Variants in WIPI1 observed in about 807,000 individuals in gnomAD.
WIPI1 encodes WD repeat domain phosphoinositide-interacting protein 1.
A neutral mutation model predicts 55.3 loss-of-function variants in WIPI1; 45 were observed. That is an observed-to-expected ratio of 0.81 (90% CI 0.64 to 1.04). The LOEUF (loss-of-function observed/expected upper bound fraction) is 1.04. Among genes scored for constraint, WIPI1 ranks in the 50% least tolerant of loss-of-function variants. The probability of loss-of-function intolerance (pLI) is 0.00; values close to 1 mark genes in which losing one functional copy is unlikely to be tolerated. For synonymous variants in WIPI1, 195 were observed against 217.6 expected (o/e 0.90, Z 0.92); for missense variants, 445 against 559.0 (o/e 0.80, Z 2.06).
Position 68,436,307 on chromosome 17 carries a change from G to A in WIPI1, c.528+75C>T, listed in dbSNP as rs948894795. The A allele has an allele frequency of 3.0e-5, 41 of 1,384,202 alleles. No homozygotes were observed. In the East Asian group the frequency reaches 5.7e-4, roughly 19 times the overall value. The allele number at this position is 1,384,202 out of a possible 1,614,324, so 85.7% of individuals were successfully genotyped here. On this transcript the variant is annotated intron_variant, in intron 5 of 12. Coordinates refer to ENST00000262139, the MANE Select transcript of WIPI1 (RefSeq NM_017983.7). Reference sequence around the variant, plus strand: ...CGCCTCCAGCCCCCGACGGCAGGGCGTCCTTATCTATCTCCTTCCATGACC... The same window carrying A: ...CGCCTCCAGCCCCCGACGGCAGGGCATCCTTATCTATCTCCTTCCATGACC...
chr17:68,424,623 C>T, intron 12 of WIPI1: 1 of 439,038 alleles, frequency 2.3e-6, no homozygotes, highest in South Asian at 1.8e-5. Context: ...CGCCTGTAAT[C>T]CTAGCACTTT....
In WIPI1 at chr17:68,430,069, T is replaced by C. The variant is rs1260020813; in HGVS notation, c.892A>G (p.Met298Val). ...NYLPTQVSDM[M>V]HQDRAFATAR... Reference sequence around the variant, plus strand: ...GTGGCAAAAGCCCTGTCCTGATGCATCATGTCTGACACCTGGGTAGGGAGG... The same window carrying C: ...GTGGCAAAAGCCCTGTCCTGATGCACCATGTCTGACACCTGGGTAGGGAGG... Residue 298 changes from methionine (M) to valine (V), a missense_variant, in exon 9 of 13, where the codon ATG becomes GTG. Transcript: ENST00000262139. 2 of 1,614,176 alleles carry C rather than the reference T, an allele frequency of 1.2e-6. No individual in the cohort carries two copies. The highest frequency in any genetic ancestry group is 1.7e-6 in the Non-Finnish European group (2 of 1,180,038).
chr17:68,450,933 G>T, intron 2 of WIPI1, 36 bp from the exon 3 acceptor site: 3 of 1,587,258 alleles, frequency 1.9e-6, no homozygotes, highest in Non-Finnish European at 2.6e-6. Flanking sequence ...TACATGGATT[G>T]ATCACTTCCA....
chr17:68,432,855 C>T (rs1285957076), intron 8 of WIPI1, among the ~76,000 whole-genome samples: 10 of 152,190 alleles, frequency 6.6e-5, no homozygotes, highest in Admixed American at 5.2e-4. Context: ...TCTCACTCCT[C>T]CATCTTTCCA....
In WIPI1 at chr17:68,431,389, G is replaced by A. The variant is rs374609181; in HGVS notation, c.801-1229C>T. ...CTGAGCATGGAGCCCGGCACGTGGC[G>A]CATACTGTTTTATGGGATGGTGTCT... is the stretch of plus-strand genomic sequence containing the variant. On this transcript the variant is annotated intron_variant, in intron 8 of 12. Coordinates refer to ENST00000262139, the MANE Select transcript of WIPI1 (RefSeq NM_017983.7). Among the ~76,000 whole-genome samples the A allele has an allele frequency of 3.3e-5, 5 of 152,150 alleles. 1 individual carries two copies. In the East Asian group the frequency reaches 7.7e-4, roughly 24 times the overall value.
Position 68,421,535 on chromosome 17 carries a change from G to A in WIPI1, c.*238C>T. 4 of 554,856 alleles carry A rather than the reference G, an allele frequency of 7.2e-6. No individual in the cohort carries two copies. Among genetic ancestry groups the A allele is most frequent in the South Asian group, 6.7e-5 (3 of 44,790 alleles). 34.4% of individuals were successfully genotyped at this position (554,856 alleles called of 1,614,324 possible). ...ATGGTTAATTAGCATTTACACTATAGTTTGAACGTATTTTAAATAGCATGA... is the reference window on the plus strand; with the variant it reads ...ATGGTTAATTAGCATTTACACTATAATTTGAACGTATTTTAAATAGCATGA... On this transcript the variant is annotated 3_prime_UTR_variant, in exon 13 of 13. Transcript: ENST00000262139.
chr17:68,423,221 A>C lies in WIPI1; in HGVS notation c.1294-1401T>G, dbSNP rs2082925366. Among the ~76,000 whole-genome samples the C allele has an allele frequency of 6.6e-6, 1 of 152,180 alleles. No individual in the cohort carries two copies. Among genetic ancestry groups the C allele is most frequent in the South Asian group, 2.1e-4 (1 of 4,802 alleles). On this transcript the variant is annotated intron_variant, in intron 12 of 12. Transcript: ENST00000262139. The surrounding 1 kb of genome is among the most constrained non-coding windows in gnomAD (Gnocchi z 4.4). ...CACAGAGATTTGCAATAGGCATGAC[A>C]ATTCAGAATAAGGAGACAGAGAGGA...
In WIPI1 at chr17:68,426,250, G is replaced by GGGGGGT; in HGVS notation, c.1193-76_1193-75insACCCCC. 4.8e-6 allele frequency: 4 copies of GGGGGGT among 828,056 alleles called. 1 individual carries two copies. Among genetic ancestry groups the GGGGGGT allele is most frequent in the Non-Finnish European group, 1.9e-6 (1 of 522,660 alleles). 51.3% of individuals were successfully genotyped at this position (828,056 alleles called of 1,614,324 possible). A position where few individuals can be genotyped will look rare whatever the true frequency, so the allele number is the denominator to read the frequency against. On this transcript the variant is annotated intron_variant, in intron 11 of 12. Coordinates refer to ENST00000262139, the MANE Select transcript of WIPI1 (RefSeq NM_017983.7). ...TGCCATGACCTGGCGGGTGGGGAGC[G>GGGGGGT]GGGGCTCAAATAAAGGGCAAAGGAA...
intron 4 of WIPI1, 138 bp downstream of exon 4, chr17:68,444,354 CA>C: frequency 1.3e-6 from 1 of 741,632 alleles, no homozygotes; most frequent in Non-Finnish European, 2.3e-6. Flanking sequence ...GCCATTAAGA[CA>C]AAGCTTCGAG....
rs1568632603 is a variant in WIPI1 at position 68,433,503 on chromosome 17, C to T, written c.765G>A (p.Thr255=). The part of the protein sequence containing the change: ...QFLCASSNTE[T]VHIFKLEQVT... ...CCTGTTCCAGCTTGAAGATGTGTAC[C>T]GTCTCGGTGTTACTGGAGGCGCAGA... is the stretch of plus-strand genomic sequence containing the variant. The change falls in exon 8 of 13, where the codon ACG becomes ACA. Residue 255 remains threonine (T), a synonymous_variant. Transcript: ENST00000262139. 6.8e-6 allele frequency: 11 copies of T among 1,613,726 alleles called. No homozygotes were observed. The highest frequency in any genetic ancestry group is 1.3e-5 in the African/African-American group (1 of 74,822).
intron 4 of WIPI1, 55 bp downstream of exon 4, chr17:68,444,438 A>G: frequency 6.6e-7 from 1 of 1,514,066 alleles, no homozygotes; most frequent in African/African-American, 1.4e-5. Context: ...AAGCTTGGGA[A>G]AGAAGCACCA....
chr17:68,451,685 TG>T (rs2084505451), intron 2 of WIPI1, among the ~76,000 whole-genome samples: 5 of 152,232 alleles, frequency 3.3e-5, no homozygotes, highest in Admixed American at 3.3e-4. Flanking sequence ...GGTGCCAATA[TG>T]GGAGGGGACA....
intron 4 of WIPI1, among the ~76,000 whole-genome samples, chr17:68,442,783 C>T (rs763565950): frequency 6.6e-6 from 1 of 152,204 alleles, no homozygotes; most frequent in Non-Finnish European, 1.5e-5. Flanking sequence ...CAGAGTTAAA[C>T]ATGGTTCCAC....
intron 1 of WIPI1, among the ~76,000 whole-genome samples, chr17:68,453,391 C>G (rs911863207): frequency 6.6e-6 from 1 of 152,106 alleles, no homozygotes; most frequent in Admixed American, 6.5e-5. Flanking sequence ...GTCTGAGAGG[C>G]ACTTTACCAG....
chr17:68,445,069 C>A (rs1460265196), intron 3 of WIPI1, among the ~76,000 whole-genome samples: 1 of 151,980 alleles, frequency 6.6e-6, no homozygotes, highest in Non-Finnish European at 1.5e-5. Flanking sequence ...TACATGCATG[C>A]ACCACCACAC....
intron 12 of WIPI1, chr17:68,424,398 GT>G (rs2083011948): frequency 1.9e-6 from 1 of 531,656 alleles, no homozygotes; most frequent in Non-Finnish European, 3.9e-6. Context: ...TCACTAGAGG[GT>G]TCCACGGATC....
chr17:68,435,126 A>C (rs1408336883), intron 6 of WIPI1, among the ~76,000 whole-genome samples: 1 of 151,888 alleles, frequency 6.6e-6, no homozygotes, highest in East Asian at 1.9e-4. Context: ...AGAATCACTT[A>C]AACCTGGGAG....
At position 68,428,846 on chromosome 17, in the gene WIPI1, GAC is replaced by G; in HGVS notation, c.1054_1055del (p.Val352LeufsTer17). On this transcript the variant is annotated frameshift_variant, in exon 10 of 13. Coordinates refer to ENST00000262139, the MANE Select transcript of WIPI1 (RefSeq NM_017983.7). LOFTEE classifies it high-confidence loss of function. ...NLDPQDGGEC[V>X]LIKTHSLLGS... ...CTCTTCACCTGTGGGTTTTGATTAA[GAC>G]ACACTCTCCTCCATCCTGAGGATCC... is the stretch of plus-strand genomic sequence containing the variant. 1 of 1,613,736 alleles carries G rather than the reference GAC, an allele frequency of 6.2e-7. No homozygotes were observed. The highest frequency in any genetic ancestry group is 1.1e-5 in the South Asian group (1 of 91,056).
chr17:68,433,117 GC>G (rs1220382580), intron 8 of WIPI1, among the ~76,000 whole-genome samples: 1 of 152,200 alleles, frequency 6.6e-6, no homozygotes, highest in Non-Finnish European at 1.5e-5. Context: ...CTTCCTATGT[GC>G]CAGGCACGAT....
Sources: allele counts gnomAD v4.1 joint callset (sites outside exome capture counted in the v4.1 genomes callset), GRCh38; gene constraint gnomAD v4.1.1; non-coding constraint Gnocchi (gnomAD v3.1); transcripts MANE v1.5; gene names NCBI Gene and HGNC (gene_info 2026-07-23, HGNC 2026-07-21).